Variants in RUNX2 observed in about 807,000 individuals in gnomAD.
The protein encoded by RUNX2 is runt-related transcription factor 2.
RUNX2 carries 10 observed loss-of-function variants against 51.7 expected under a neutral mutation model. The observed-to-expected ratio is 0.19, with a 90% CI of 0.12 to 0.33. RUNX2 has a LOEUF of 0.33. Ranked by LOEUF, RUNX2 falls within the 10% of genes least tolerant of loss-of-function variation. The probability of loss-of-function intolerance (pLI) is 1.00; values close to 1 mark genes in which losing one functional copy is unlikely to be tolerated. For synonymous variants in RUNX2, 276 were observed against 273.6 expected (o/e 1.01, Z -0.09); for missense variants, 562 against 691.3 (o/e 0.81, Z 2.10).
At chr6:45,412,710 T>G (rs1554382245) in intron 2 of RUNX2, among the ~76,000 whole-genome samples, 1 of 152,130 alleles carries the variant, frequency 6.6e-6, no homozygotes, top group Non-Finnish European at 1.5e-5. Context: ...TTTACCTTCA[T>G]AGTGGCACTG....
At chr6:45,474,737 C>A (rs1396840753) in intron 5 of RUNX2, among the ~76,000 whole-genome samples, 2 of 152,228 alleles carry the variant, frequency 1.3e-5, no homozygotes, top group African/African-American at 4.8e-5. Flanking sequence ...GTTGAGATGG[C>A]TTTTTCTATT....
At chr6:45,526,428 T>C (rs904336013) in intron 7 of RUNX2, among the ~76,000 whole-genome samples, 1 of 152,206 alleles carries the variant, frequency 6.6e-6, no homozygotes, top group Non-Finnish European at 1.5e-5. Flanking sequence ...CCTTATAAGC[T>C]AAGAGTTATT....
At chr6:45,542,311 G>A (rs1441978257) in intron 7 of RUNX2, among the ~76,000 whole-genome samples, 2 of 152,088 alleles carry the variant, frequency 1.3e-5, no homozygotes, top group East Asian at 3.8e-4. Context: ...TGTGCTCCAT[G>A]GAAATGTTAT....
At chr6:45,498,094 T>C (rs1041338994) in intron 6 of RUNX2, among the ~76,000 whole-genome samples, 3 of 152,056 alleles carry the variant, frequency 2.0e-5, no homozygotes, top group African/African-American at 7.2e-5. Flanking sequence ...AAGTGGTAAA[T>C]ACAGGAAGTA....
intron 3 of RUNX2, among the ~76,000 whole-genome samples, chr6:45,426,887 G>A (rs1798396542): frequency 6.6e-6 from 1 of 152,108 alleles, no homozygotes; most frequent in Non-Finnish European, 1.5e-5. Flanking sequence ...ATACCAGTGA[G>A]TAGTATTTTT....
At position 45,509,012 on chromosome 6, in the gene RUNX2, CAT is replaced by C. The variant is rs1465116316; in HGVS notation, c.860-3232_860-3231del. Among the ~76,000 whole-genome samples the C allele has an allele frequency of 1.5e-4, 23 of 152,226 alleles. No homozygotes were observed. The South Asian group carries it at 4.3e-3, about 29-fold the overall frequency. ...AGACAAACCCAGCTACCCTAGATAG[CAT>C]AGAGTCATATTTTAATATTTATTTT... On this transcript the variant is annotated intron_variant, in intron 6 of 8. Transcript: ENST00000647337.
intron 2 of RUNX2, chr6:45,377,884 G>C (rs896954042): frequency 2.0e-5 from 3 of 153,076 alleles, no homozygotes; most frequent in African/African-American, 7.2e-5. Context: ...GGGGCGGGGT[G>C]GGGGACTGAG....
intron 6 of RUNX2, among the ~76,000 whole-genome samples, chr6:45,496,168 G>A (rs1435447780): frequency 6.6e-6 from 1 of 152,102 alleles, no homozygotes; most frequent in African/African-American, 2.4e-5. Context: ...GGGAGATATC[G>A]CTTAAGATAT....
chr6:45,499,764 A>C (rs140210420), intron 6 of RUNX2, among the ~76,000 whole-genome samples: 1 of 152,170 alleles, frequency 6.6e-6, no homozygotes, highest in Non-Finnish European at 1.5e-5. Context: ...TTCATCTCCT[A>C]TATAATGCCT....
chr6:45,516,586 C>G (rs1801329284), intron 7 of RUNX2, among the ~76,000 whole-genome samples: 1 of 152,216 alleles, frequency 6.6e-6, no homozygotes, highest in East Asian at 1.9e-4. Flanking sequence ...CATTATCTCA[C>G]TTCATCCTAC....
chr6:45,437,940 T>A lies in RUNX2; in HGVS notation c.581-7T>A. 2 of 1,598,414 alleles carry A rather than the reference T, an allele frequency of 1.3e-6. No individual in the cohort carries two copies. Among genetic ancestry groups the A allele is most frequent in the Non-Finnish European group, 1.7e-6 (2 of 1,165,892 alleles). ...TCACTGTATATTTTCCCCTTTTATA[T>A]CTGCAGGCAAGAGTTTCACCTTGAC... On this transcript the variant is annotated splice_region_variant and splice_polypyrimidine_tract_variant and intron_variant, in intron 4 of 8. Coordinates refer to ENST00000647337, the MANE Select transcript of RUNX2 (RefSeq NM_001024630.4).
At chr6:45,400,528 C>G (rs1223793466) in intron 2 of RUNX2, among the ~76,000 whole-genome samples, 2 of 152,184 alleles carry the variant, frequency 1.3e-5, no homozygotes, top group Non-Finnish European at 2.9e-5. Flanking sequence ...AATCCCTATT[C>G]ACACCTTGTG....
At chr6:45,367,773 CT>C (rs1277609339) in intron 2 of RUNX2, among the ~76,000 whole-genome samples, 3 of 152,118 alleles carry the variant, frequency 2.0e-5, no homozygotes, top group Admixed American at 2.0e-4. Flanking sequence ...CAATCTGCTC[CT>C]TTTTCATTTT....
intron 2 of RUNX2, among the ~76,000 whole-genome samples, chr6:45,339,653 A>G (rs1789348083): frequency 6.6e-6 from 1 of 152,166 alleles, no homozygotes; most frequent in Non-Finnish European, 1.5e-5. Flanking sequence ...AGCCAAAAAC[A>G]TTAATATTCT....
At chr6:45,419,817 G>A (rs1465956168) in intron 2 of RUNX2, among the ~76,000 whole-genome samples, 1 of 152,166 alleles carries the variant, frequency 6.6e-6, no homozygotes, top group South Asian at 2.1e-4. Flanking sequence ...AGGCCAGTAG[G>A]CCGGGCGCGA....
rs191529843 is a variant in RUNX2, at chr6:45,396,515, C to T, written c.59-26078C>T. 1.6e-3 allele frequency among the ~76,000 whole-genome samples: 242 copies of T among 152,316 alleles called. 3 individuals are homozygous for T. Among genetic ancestry groups the T allele is most frequent in the African/African-American group, 5.5e-3 (230 of 41,574 alleles). Reference sequence around the variant, plus strand: ...TGAATTCCTGGACCCAAACCGTCCTCCTGCCTCAGCCTCCCAAATAGCTGG... The same window carrying T: ...TGAATTCCTGGACCCAAACCGTCCTTCTGCCTCAGCCTCCCAAATAGCTGG... On this transcript the variant is annotated intron_variant, in intron 2 of 8. Coordinates refer to ENST00000647337, the MANE Select transcript of RUNX2 (RefSeq NM_001024630.4).
intron 2 of RUNX2, among the ~76,000 whole-genome samples, chr6:45,418,555 A>G (rs1798111889): frequency 6.6e-6 from 1 of 152,236 alleles, no homozygotes; most frequent in African/African-American, 2.4e-5. Context: ...CAAGCAAACT[A>G]TAGCACAAAA....
chr6:45,515,769 C>CA (rs1457336716), intron 7 of RUNX2, among the ~76,000 whole-genome samples: 1 of 151,968 alleles, frequency 6.6e-6, no homozygotes, highest in African/African-American at 2.4e-5. Context: ...GAACCATTCA[C>CA]AAAAAAGTCA....
intron 2 of RUNX2, among the ~76,000 whole-genome samples, chr6:45,367,623 T>C (rs1208790200): frequency 6.6e-6 from 1 of 152,120 alleles, no homozygotes; most frequent in Non-Finnish European, 1.5e-5. Context: ...AGAGCTATCT[T>C]CGAGAACATG....
Sources: allele counts gnomAD v4.1 joint callset (sites outside exome capture counted in the v4.1 genomes callset), GRCh38; gene constraint gnomAD v4.1.1; transcripts MANE v1.5; gene names NCBI Gene and HGNC (gene_info 2026-07-23, HGNC 2026-07-21).